IMMP2L: variants seen among roughly 807,000 people sequenced by gnomAD.
IMMP2L encodes the protein mitochondrial inner membrane protease subunit 2.
A neutral mutation model predicts 19.3 loss-of-function variants in IMMP2L; 18 were observed. That is an observed-to-expected ratio of 0.93 (90% CI 0.64 to 1.38). The LOEUF (loss-of-function observed/expected upper bound fraction) is 1.38, where lower values mean the gene tolerates loss of function less well. IMMP2L is among the 40% of genes most tolerant of loss of function. The pLI is 0.00. For synonymous variants in IMMP2L, 76 were observed against 73.0 expected (o/e 1.04, Z -0.21); for missense variants, 233 against 218.2 (o/e 1.07, Z -0.43).
At chr7:111,385,966 C>A (rs1370119645) in intron 3 of IMMP2L, among the ~76,000 whole-genome samples, 1 of 151,848 alleles carries the variant, frequency 6.6e-6, no homozygotes, top group Admixed American at 6.6e-5. Flanking sequence ...GTCACCCAGG[C>A]TGGACTGTGC....
intron 2 of IMMP2L, among the ~76,000 whole-genome samples, chr7:111,516,675 G>A (rs1413771738): frequency 2.0e-5 from 3 of 152,040 alleles, no homozygotes; most frequent in African/African-American, 4.8e-5. Context: ...AGGAACACAC[G>A]TTTGTTGCTA....
chr7:110,744,395 T>C (rs1797187137), intron 5 of IMMP2L, among the ~76,000 whole-genome samples: 1 of 152,212 alleles, frequency 6.6e-6, no homozygotes, highest in South Asian at 2.1e-4. Flanking sequence ...GTTTGAGCTC[T>C]GATAAGGGAC....
rs537955583 is a variant in IMMP2L, at chr7:110,796,899, C to A, written c.408+89694G>T. Among the ~76,000 whole-genome samples the A allele has an allele frequency of 2.6e-5, 4 of 152,134 alleles. No homozygotes were observed. In the South Asian group the frequency reaches 8.3e-4, roughly 32 times the overall value. ...AAGTATAGCTAAATGCCTTTGCCTA[C>A]ATTAGCCAGCCATTTATTGCTTATT... On this transcript the variant is annotated intron_variant, in intron 5 of 5. Coordinates refer to ENST00000405709, the MANE Select transcript of IMMP2L (RefSeq NM_032549.4).
At chr7:110,984,575 T>C (rs1435586486) in intron 3 of IMMP2L, among the ~76,000 whole-genome samples, 1 of 152,132 alleles carries the variant, frequency 6.6e-6, no homozygotes. Flanking sequence ...TAGGTATTCA[T>C]ATTTCTTTAA....
rs550968187 is a variant in IMMP2L at position 110,934,000 on chromosome 7, C to G, written c.305+29500G>C. Among the ~76,000 whole-genome samples, 4 of 152,286 alleles carry G rather than the reference C, an allele frequency of 2.6e-5. No individual in the cohort carries two copies. The South Asian group carries it at 8.3e-4, about 32-fold the overall frequency. ...TTAGTGCTATAAATTTCCCTCTAAA[C>G]ACCGCATTAGCTGTGTCCAGAGATT... is the stretch of plus-strand genomic sequence containing the variant. On this transcript the variant is annotated intron_variant, in intron 4 of 5. Coordinates refer to ENST00000405709, the MANE Select transcript of IMMP2L (RefSeq NM_032549.4).
At chr7:110,810,719 G>C (rs1387439380) in intron 5 of IMMP2L, among the ~76,000 whole-genome samples, 4 of 152,046 alleles carry the variant, frequency 2.6e-5, no homozygotes, top group South Asian at 2.1e-4. Context: ...GAAGCTTGGG[G>C]ATAAACAGAC....
intron 2 of IMMP2L, among the ~76,000 whole-genome samples, chr7:111,506,080 A>G (rs1404242092): frequency 6.6e-6 from 1 of 151,934 alleles, no homozygotes; most frequent in Non-Finnish European, 1.5e-5. Flanking sequence ...ACACCTGGGC[A>G]ACATAGTGAG....
chr7:111,527,426 G>T (rs1453759606), intron 1 of IMMP2L, among the ~76,000 whole-genome samples: 3 of 146,696 alleles, frequency 2.0e-5, no homozygotes, highest in Non-Finnish European at 4.5e-5. Context: ...CCAAAAAGGG[G>T]GGGGGGGTAG....
At chr7:111,340,135 C>T (rs564982871) in intron 3 of IMMP2L, among the ~76,000 whole-genome samples, 2 of 151,768 alleles carry the variant, frequency 1.3e-5, no homozygotes. Flanking sequence ...AACTGAAATC[C>T]GAAAGTTCCT....
chr7:111,282,906 A>G (rs190063935), intron 3 of IMMP2L, among the ~76,000 whole-genome samples: 2 of 152,160 alleles, frequency 1.3e-5, no homozygotes, highest in East Asian at 3.9e-4. Context: ...TCAACATTGC[A>G]TAGAACCACT....
intron 3 of IMMP2L, among the ~76,000 whole-genome samples, chr7:111,243,183 CCATT>C (rs1244787378): frequency 6.6e-6 from 1 of 151,982 alleles, no homozygotes; most frequent in East Asian, 1.9e-4. Context: ...TGCTCACCAG[CCATT>C]CAATCATTCC....
intron 3 of IMMP2L, among the ~76,000 whole-genome samples, chr7:111,273,974 A>G (rs1818749185): frequency 6.6e-6 from 1 of 152,166 alleles, no homozygotes; most frequent in African/African-American, 2.4e-5. Context: ...TAACTTGCCT[A>G]CAGTTTCTTC....
Position 111,054,223 on chromosome 7 carries a change from T to G in IMMP2L, c.240-90658A>C, listed in dbSNP as rs184198986. On this transcript the variant is annotated intron_variant, in intron 3 of 5. Transcript: ENST00000405709. ...ATTGATATCTCAATTTTCAAAAAAA[T>G]CTATGCCACTGAGACAGAAGATTTT... Among the ~76,000 whole-genome samples the G allele has an allele frequency of 1.7e-3, 253 of 152,340 alleles. 1 individual carries two copies. The highest frequency in any genetic ancestry group is 3.9e-3 in the Admixed American group (60 of 15,308).
intron 3 of IMMP2L, among the ~76,000 whole-genome samples, chr7:111,467,277 G>A (rs1840764477): frequency 6.6e-6 from 1 of 152,108 alleles, no homozygotes; most frequent in Admixed American, 6.5e-5. Context: ...AAGATTAAAT[G>A]AGGTAATATA....
intron 4 of IMMP2L, among the ~76,000 whole-genome samples, chr7:110,913,909 T>A (rs1813312761): frequency 1.3e-5 from 2 of 152,304 alleles, no homozygotes; most frequent in African/African-American, 4.8e-5. Flanking sequence ...GAAGCACTGT[T>A]GGGTTGGAGG....
At chr7:110,943,369 G>T (rs1178414868) in intron 4 of IMMP2L, among the ~76,000 whole-genome samples, 1 of 151,954 alleles carries the variant, frequency 6.6e-6, no homozygotes, top group Middle Eastern at 3.2e-3. Flanking sequence ...CTCTAAAAAA[G>T]ACTTTAGTAG....
chr7:111,298,331 A>T (rs1821840388), intron 3 of IMMP2L, among the ~76,000 whole-genome samples: 2 of 152,186 alleles, frequency 1.3e-5, no homozygotes, highest in Admixed American at 1.3e-4. Flanking sequence ...TTTCTGTGCC[A>T]AGAGGGATAG....
chr7:111,435,109 T>C (rs1053655403), intron 3 of IMMP2L, among the ~76,000 whole-genome samples: 2 of 151,934 alleles, frequency 1.3e-5, no homozygotes, highest in Non-Finnish European at 2.9e-5. Context: ...ACAAGCTCTA[T>C]AGAAAACTGT....
chr7:111,301,038 T>C (rs1822176716), intron 3 of IMMP2L, among the ~76,000 whole-genome samples: 1 of 152,160 alleles, frequency 6.6e-6, no homozygotes, highest in African/African-American at 2.4e-5. Flanking sequence ...CCAGAGTGGC[T>C]GTACAATTTT....
Sources: gnomAD v4.1 joint callset for allele counts (sites outside exome capture counted in the v4.1 genomes callset) on GRCh38, gnomAD v4.1.1 for gene constraint, MANE v1.5 for transcripts, NCBI Gene and HGNC (gene_info 2026-07-23, HGNC 2026-07-21) for gene names.